HOMER1: variants seen among roughly 807,000 people sequenced by gnomAD.
HOMER1 encodes the protein homer protein homolog 1.
A neutral mutation model predicts 48.9 loss-of-function variants in HOMER1; 3 were observed. The ratio of observed to expected loss-of-function variants is 0.06; its 90% CI spans 0.03 to 0.16. The LOEUF (loss-of-function observed/expected upper bound fraction) is 0.16. Ranked by LOEUF, HOMER1 falls within the 10% of genes least tolerant of loss-of-function variation. The probability of loss-of-function intolerance (pLI) is 1.00; values close to 1 mark genes in which losing one functional copy is unlikely to be tolerated. For missense variants in HOMER1, 247 were observed against 411.4 expected, an observed-to-expected ratio of 0.60 and a Z score of 3.46; for synonymous variants, 134 against 146.4, an observed-to-expected ratio of 0.92 and a Z score of 0.61.
intron 8 of HOMER1, among the ~76,000 whole-genome samples, chr5:79,386,553 T>C (rs1263729687): frequency 6.6e-6 from 1 of 152,214 alleles, no homozygotes; most frequent in Non-Finnish European, 1.5e-5. Context: ...TAATGTTTGA[T>C]AGCAGACTAG....
At chr5:79,431,166 C>G (rs113476045) in intron 5 of HOMER1, among the ~76,000 whole-genome samples, 3,689 of 152,068 alleles carry the variant, frequency 0.024, 148 homozygotes, top group African/African-American at 0.084. Flanking sequence ...CCCATCTCTA[C>G]AAAAAATATT....
rs1428793401 is a variant in HOMER1, at chr5:79,373,073, A to T, written c.*2936T>A. The T allele has an allele frequency of 2.0e-5, 3 of 152,280 alleles. No individual in the cohort carries two copies. The highest frequency in any genetic ancestry group is 6.5e-5 in the Admixed American group (1 of 15,288). The allele number at this position is 152,280 out of a possible 1,614,324, so 9.4% of individuals were successfully genotyped here. ...AGAGAAAGAGAGAGAGAGGAGAACA[A>T]AAACTAATTTTCCAGGCAGGGGAAT... On this transcript the variant is annotated 3_prime_UTR_variant, in exon 9 of 9. Coordinates refer to ENST00000334082, the MANE Select transcript of HOMER1 (RefSeq NM_004272.5).
intron 4 of HOMER1, among the ~76,000 whole-genome samples, chr5:79,444,381 A>G (rs1750819936): frequency 6.6e-6 from 1 of 152,150 alleles, no homozygotes; most frequent in African/African-American, 2.4e-5. Flanking sequence ...ATGCTTTTTA[A>G]AAAATGATTC....
chr5:79,435,118 TAAA>T (rs764119891), intron 5 of HOMER1, among the ~76,000 whole-genome samples: 4 of 152,184 alleles, frequency 2.6e-5, no homozygotes, highest in Non-Finnish European at 5.9e-5. Context: ...ATTTTTATAA[TAAA>T]AAGTTATAAA....
intron 1 of HOMER1, among the ~76,000 whole-genome samples, chr5:79,487,202 C>T (rs993481738): frequency 3.3e-5 from 5 of 152,132 alleles, no homozygotes; most frequent in African/African-American, 9.7e-5. Context: ...TCGCTTGAAC[C>T]CGGGAGGCAG....
chr5:79,509,209 A>C (rs1251119652), intron 1 of HOMER1, among the ~76,000 whole-genome samples: 2 of 152,156 alleles, frequency 1.3e-5, no homozygotes, highest in South Asian at 2.1e-4. Flanking sequence ...AGGGGAAGGA[A>C]GGACTCCAGA....
intron 5 of HOMER1, among the ~76,000 whole-genome samples, chr5:79,423,872 C>T (rs1349924183): frequency 1.3e-5 from 2 of 152,164 alleles, no homozygotes; most frequent in South Asian, 4.1e-4. Context: ...GCTAGAAGAA[C>T]CTAAGTGCAA....
chr5:79,385,337 T>C lies in HOMER1; in HGVS notation c.877-9140A>G, dbSNP rs149961845. On this transcript the variant is annotated intron_variant, in intron 8 of 8. Coordinates refer to ENST00000334082, the MANE Select transcript of HOMER1 (RefSeq NM_004272.5). ...CAACCTGTTGAATGGGAGAAACTAC[T>C]TGCAAACTATTCATCTGACAAGGGA... Among the ~76,000 whole-genome samples, 616 of 152,228 alleles carry C rather than the reference T, an allele frequency of 4.0e-3. 3 individuals are homozygous for C. The highest frequency in any genetic ancestry group is 0.013 in the African/African-American group (542 of 41,548).
chr5:79,417,441 C>T (rs951788053), intron 5 of HOMER1, among the ~76,000 whole-genome samples: 1 of 152,312 alleles, frequency 6.6e-6, no homozygotes, highest in East Asian at 1.9e-4. Context: ...CGCACCCGGC[C>T]GATTTCCCTT....
At chr5:79,388,517 A>G (rs1749172887) in intron 8 of HOMER1, among the ~76,000 whole-genome samples, 1 of 152,174 alleles carries the variant, frequency 6.6e-6, no homozygotes, top group Admixed American at 6.5e-5. Context: ...CCAACTATGA[A>G]TCAGAAGAAA....
intron 8 of HOMER1, among the ~76,000 whole-genome samples, chr5:79,396,572 G>C (rs6872297): frequency 0.47 from 71,391 of 151,616 alleles, 19,784 homozygotes; most frequent in African/African-American, 0.77. Context: ...TTAATTAAAA[G>C]TAGAAATTTC....
In HOMER1 at chr5:79,376,039, A is replaced by G; in HGVS notation, c.1035T>C (p.Asp345=). 1 of 1,611,454 alleles carries G rather than the reference A, an allele frequency of 6.2e-7. No homozygotes were observed. Among genetic ancestry groups the G allele is most frequent in the Non-Finnish European group, 8.5e-7 (1 of 1,179,186 alleles). The change falls in exon 9 of 9, where the codon GAT becomes GAC. Residue 345 remains aspartate (D), a synonymous_variant. Transcript: ENST00000334082. ...TGCATTCTAGTAGCTTGGCCAAGTT[A>G]TCTCGTAATTCTGTTAGTTCAAATA... is the stretch of plus-strand genomic sequence containing the variant. ...GKIFELTELR[D]NLAKLLECS
intron 5 of HOMER1, among the ~76,000 whole-genome samples, chr5:79,404,212 C>G (rs1003325649): frequency 5.3e-5 from 8 of 152,154 alleles, no homozygotes; most frequent in African/African-American, 1.7e-4. Context: ...CAATTATTTA[C>G]TCCTAAAATC....
intron 1 of HOMER1, 89 bp from the exon 2 acceptor site, chr5:79,457,107 G>A (rs1371662108): frequency 1.6e-6 from 2 of 1,235,436 alleles, no homozygotes; most frequent in Non-Finnish European, 2.3e-6. Context: ...GGATGATTCT[G>A]CTTAATCAAC....
intron 5 of HOMER1, among the ~76,000 whole-genome samples, chr5:79,436,468 C>T (rs111239889): frequency 1.1e-4 from 16 of 152,308 alleles, no homozygotes; most frequent in African/African-American, 3.1e-4. Context: ...ATGTGACTTA[C>T]GCAACTCACC....
intron 1 of HOMER1, chr5:79,510,720 C>T: frequency 1.3e-6 from 1 of 791,402 alleles, no homozygotes; most frequent in Non-Finnish European, 2.2e-6. Flanking sequence ...CTCAACTTGC[C>T]TACACTGTCC....
chr5:79,444,457 C>T (rs1042100848), intron 4 of HOMER1, among the ~76,000 whole-genome samples: 2 of 152,104 alleles, frequency 1.3e-5, no homozygotes, highest in East Asian at 3.8e-4. Context: ...AAATTAAGGT[C>T]CATATATTTT....
At chr5:79,397,672 T>G (rs752993609) in intron 6 of HOMER1, 35 bp from the exon 7 acceptor site, 1 of 1,311,654 alleles carries the variant, frequency 7.6e-7, no homozygotes. Flanking sequence ...TAACTTAAAT[T>G]TCAACTTTAA....
chr5:79,474,571 A>G (rs1751709844), intron 1 of HOMER1, among the ~76,000 whole-genome samples: 1 of 152,114 alleles, frequency 6.6e-6, no homozygotes, highest in South Asian at 2.1e-4. Flanking sequence ...TCTGTTTGCT[A>G]TTACACCCAA....
Sources: gnomAD v4.1 joint callset for allele counts (sites outside exome capture counted in the v4.1 genomes callset) on GRCh38, gnomAD v4.1.1 for gene constraint, MANE v1.5 for transcripts, NCBI Gene and HGNC (gene_info 2026-07-23, HGNC 2026-07-21) for gene names.